Variants in UVRAG observed in about 807,000 individuals in gnomAD.
UVRAG encodes UV radiation resistance associated, also known as UV radiation resistance-associated gene protein.
In UVRAG, 19 loss-of-function variants were observed where a neutral mutation model predicts 78.0. The ratio of observed to expected loss-of-function variants is 0.24; its 90% CI spans 0.17 to 0.36. The LOEUF (loss-of-function observed/expected upper bound fraction) is 0.36, where lower values mean the gene tolerates loss of function less well. UVRAG is among the 10% of genes least tolerant of loss of function. UVRAG has a pLI of 1.00. For synonymous variants in UVRAG, 323 were observed against 324.6 expected (o/e 1.00, Z 0.05); for missense variants, 740 against 853.8 (o/e 0.87, Z 1.66).
At chr11:75,982,162 C>T (rs1212950508) in intron 7 of UVRAG, among the ~76,000 whole-genome samples, 1 of 152,042 alleles carries the variant, frequency 6.6e-6, no homozygotes, top group African/African-American at 2.4e-5. Flanking sequence ...CTTATTTAAG[C>T]CCTCTGTTTT....
intron 12 of UVRAG, among the ~76,000 whole-genome samples, chr11:76,058,012 G>T (rs1461732008): frequency 6.6e-6 from 1 of 152,062 alleles, no homozygotes; most frequent in Non-Finnish European, 1.5e-5. Context: ...TGAAGTGCAT[G>T]TAGCCTTAAC....
At chr11:76,136,786 C>T (rs1390136407) in intron 14 of UVRAG, among the ~76,000 whole-genome samples, 1 of 152,156 alleles carries the variant, frequency 6.6e-6, no homozygotes, top group Non-Finnish European at 1.5e-5. Flanking sequence ...GTGTTAGCCG[C>T]CACACCTGGC....
At chr11:76,125,615 G>A (rs1336196540) in intron 14 of UVRAG, among the ~76,000 whole-genome samples, 1 of 152,194 alleles carries the variant, frequency 6.6e-6, no homozygotes, top group African/African-American at 2.4e-5. Flanking sequence ...AAAGGCACTT[G>A]GGTATCCCGG....
chr11:75,995,260 G>T (rs540289367), intron 8 of UVRAG, among the ~76,000 whole-genome samples: 68 of 151,268 alleles, frequency 4.5e-4, no homozygotes, highest in African/African-American at 1.5e-3. Flanking sequence ...TGGTGGGAAT[G>T]ACCTATTAGA....
chr11:75,993,325 C>T (rs1949647540), intron 8 of UVRAG, among the ~76,000 whole-genome samples: 1 of 152,210 alleles, frequency 6.6e-6, no homozygotes, highest in African/African-American at 2.4e-5. Context: ...CATTACTTCA[C>T]ACTCATACGT....
intron 3 of UVRAG, among the ~76,000 whole-genome samples, chr11:75,866,380 TA>T (rs146351927): frequency 1.4e-5 from 2 of 143,208 alleles, no homozygotes; most frequent in East Asian, 4.1e-4. Flanking sequence ...AATAAATAAA[TA>T]AAATAAAATA....
At chr11:76,070,213 C>T (rs1007578893) in intron 13 of UVRAG, among the ~76,000 whole-genome samples, 19 of 152,080 alleles carry the variant, frequency 1.2e-4, no homozygotes, top group African/African-American at 4.1e-4. Context: ...AAGACAAAGA[C>T]TGTATGATCT....
intron 3 of UVRAG, among the ~76,000 whole-genome samples, chr11:75,878,919 G>A (rs1476076421): frequency 1.1e-5 from 1 of 88,998 alleles, no homozygotes; most frequent in Non-Finnish European, 2.9e-5. Context: ...GAGGGGGAGG[G>A]AGAGGGAGAG....
intron 6 of UVRAG, among the ~76,000 whole-genome samples, chr11:75,918,881 A>C (rs748880456): frequency 3.3e-5 from 5 of 152,216 alleles, no homozygotes; most frequent in East Asian, 1.9e-4. Context: ...ATGAAAATGC[A>C]ATCAGGTCTG....
At position 76,123,912 on chromosome 11, in the gene UVRAG, C is replaced by T. The variant is rs539466245; in HGVS notation, c.1397+7897C>T. On this transcript the variant is annotated intron_variant, in intron 14 of 14. Coordinates refer to ENST00000356136, the MANE Select transcript of UVRAG (RefSeq NM_003369.4). Reference sequence around the variant, plus strand: ...TCCCCAGTAGCTGGGATTATAGGCACGCACCACCACGCCCAGCTAATTTTT... The same window carrying T: ...TCCCCAGTAGCTGGGATTATAGGCATGCACCACCACGCCCAGCTAATTTTT... Among the ~76,000 whole-genome samples the T allele has an allele frequency of 1.2e-3, 188 of 152,212 alleles. 1 individual carries two copies. Among genetic ancestry groups the T allele is most frequent in the Non-Finnish European group, 2.1e-3 (143 of 68,006 alleles).
chr11:76,016,704 ATTTTATGTACCACATAT>A (rs1376888996), intron 11 of UVRAG, 94 bp from the exon 12 acceptor site: 12 of 1,028,722 alleles, frequency 1.2e-5, no homozygotes, highest in Non-Finnish European at 1.0e-5. Flanking sequence ...AGTGGTTAAT[ATTTTATGTACCACATAT>A]TTTTATAAAA....
At chr11:75,917,012 C>T (rs1565378564) in intron 6 of UVRAG, among the ~76,000 whole-genome samples, 1 of 152,122 alleles carries the variant, frequency 6.6e-6, no homozygotes, top group South Asian at 2.1e-4. Context: ...ACCTTGTGAC[C>T]TCTGGGTGCA....
intron 6 of UVRAG, among the ~76,000 whole-genome samples, chr11:75,915,921 G>A (rs761556393): frequency 1.3e-5 from 2 of 152,166 alleles, no homozygotes; most frequent in African/African-American, 2.4e-5. Context: ...GATGAGCCTG[G>A]AAGCAATGAT....
intron 13 of UVRAG, among the ~76,000 whole-genome samples, chr11:76,096,943 C>A (rs545437501): frequency 3.3e-5 from 5 of 152,056 alleles, no homozygotes; most frequent in African/African-American, 1.2e-4. Flanking sequence ...CATGTTGAGG[C>A]AGAGCTTGTT....
intron 4 of UVRAG, among the ~76,000 whole-genome samples, chr11:75,883,704 T>G (rs1947007513): frequency 6.6e-6 from 1 of 152,154 alleles, no homozygotes; most frequent in Non-Finnish European, 1.5e-5. Flanking sequence ...TAGAGAGCTG[T>G]GAGAGTCGTA....
chr11:75,888,374 G>T (rs1380088359), intron 4 of UVRAG, among the ~76,000 whole-genome samples: 1 of 151,976 alleles, frequency 6.6e-6, no homozygotes, highest in East Asian at 1.9e-4. Context: ...GAACTCCTGA[G>T]CTTAAGCTAT....
intron 1 of UVRAG, among the ~76,000 whole-genome samples, chr11:75,835,724 A>G (rs10899141): frequency 0.12 from 18,008 of 152,252 alleles, 1,206 homozygotes; most frequent in East Asian, 0.23. Context: ...GTAAAGAGAC[A>G]CAGATTTAGA....
At chr11:75,949,213 T>TG (rs1948638339) in intron 6 of UVRAG, among the ~76,000 whole-genome samples, 1 of 152,128 alleles carries the variant, frequency 6.6e-6, no homozygotes, top group Admixed American at 6.5e-5. Context: ...CCTCCCTTGA[T>TG]GGGCTGTTCC....
intron 13 of UVRAG, among the ~76,000 whole-genome samples, chr11:76,077,916 T>A (rs182586539): frequency 1.5e-4 from 23 of 152,358 alleles, no homozygotes; most frequent in Admixed American, 5.9e-4. Context: ...TTTTAAAAGA[T>A]TCACTTTAGC....
Sources: allele counts gnomAD v4.1 joint callset (sites outside exome capture counted in the v4.1 genomes callset), GRCh38; gene constraint gnomAD v4.1.1; transcripts MANE v1.5; gene names NCBI Gene and HGNC (gene_info 2026-07-23, HGNC 2026-07-21).